SNTG1: variants seen among roughly 807,000 people sequenced by gnomAD.
SNTG1 encodes the protein gamma-1-syntrophin.
SNTG1 carries 39 observed loss-of-function variants against 74.7 expected under a neutral mutation model. That is an observed-to-expected ratio of 0.52 (90% confidence interval 0.40 to 0.68). SNTG1 has a LOEUF of 0.68. SNTG1 is among the 30% of genes least tolerant of loss of function. The probability of loss-of-function intolerance (pLI) is 0.00; values close to 1 mark genes in which losing one functional copy is unlikely to be tolerated. For missense variants in SNTG1, 685 were observed against 609.5 expected, an observed-to-expected ratio of 1.12 and a Z score of -1.30; for synonymous variants, 254 against 217.1, an observed-to-expected ratio of 1.17 and a Z score of -1.49.
At chr8:50,217,060 G>A (rs2084824249) in intron 2 of SNTG1, among the ~76,000 whole-genome samples, 1 of 151,274 alleles carries the variant, frequency 6.6e-6, no homozygotes, top group African/African-American at 2.4e-5. Flanking sequence ...GAAACAAATG[G>A]GCTGACAAAC....
chr8:50,280,534 T>C (rs1461159186), intron 2 of SNTG1, among the ~76,000 whole-genome samples: 1 of 152,176 alleles, frequency 6.6e-6, no homozygotes, highest in Non-Finnish European at 1.5e-5. Context: ...TGGTTTTGTA[T>C]GTTTTAGGGA....
At chr8:50,672,121 G>A (rs915615858) in intron 15 of SNTG1, among the ~76,000 whole-genome samples, 11 of 149,720 alleles carry the variant, frequency 7.3e-5, no homozygotes, top group African/African-American at 2.8e-4. Context: ...GTGCAGCACA[G>A]CAGCATGGCA....
chr8:50,508,186 G>A (rs578137038), intron 9 of SNTG1, among the ~76,000 whole-genome samples: 5 of 152,180 alleles, frequency 3.3e-5, no homozygotes, highest in Non-Finnish European at 5.9e-5. Context: ...TTTTGTCCTT[G>A]CGATAATTTG....
intron 8 of SNTG1, among the ~76,000 whole-genome samples, chr8:50,476,615 A>G (rs1026716671): frequency 1.3e-5 from 2 of 152,126 alleles, no homozygotes; most frequent in Admixed American, 1.3e-4. Context: ...GTTTTGCCTA[A>G]ATTAGATATA....
At chr8:50,748,842 G>T (rs1297627668) in intron 17 of SNTG1, among the ~76,000 whole-genome samples, 2 of 151,954 alleles carry the variant, frequency 1.3e-5, no homozygotes, top group Non-Finnish European at 2.9e-5. Context: ...TGTTCTGACT[G>T]CTCCACTGAC....
At chr8:50,434,808 A>T (rs2093283307) in intron 4 of SNTG1, among the ~76,000 whole-genome samples, 1 of 152,156 alleles carries the variant, frequency 6.6e-6, no homozygotes, top group South Asian at 2.1e-4. Flanking sequence ...AGAACTATTA[A>T]CATTCTCTAT....
intron 18 of SNTG1, among the ~76,000 whole-genome samples, chr8:50,772,798 C>T (rs13262817): frequency 1.3e-5 from 2 of 152,074 alleles, no homozygotes; most frequent in African/African-American, 4.8e-5. Flanking sequence ...TAATTCCCTG[C>T]TGCAAAGGTG....
chr8:50,253,523 T>C (rs990153637), intron 2 of SNTG1, among the ~76,000 whole-genome samples: 1 of 152,212 alleles, frequency 6.6e-6, no homozygotes, highest in African/African-American at 2.4e-5. Flanking sequence ...AAGAGATTTC[T>C]GCTCTCCCAT....
At position 49,957,783 on chromosome 8, in the gene SNTG1, G is replaced by A. The variant is rs562287971; in HGVS notation, c.-103+45552G>A. 2.6e-5 allele frequency among the ~76,000 whole-genome samples: 4 copies of A among 152,136 alleles called. No individual in the cohort carries two copies. The South Asian group carries it at 8.3e-4, about 32-fold the overall frequency. ...CAGATGAAGCAGACTGCACAACATG[G>A]GGAGACCCTATCTCCACACAAATTT... On this transcript the variant is annotated intron_variant, in intron 1 of 18. Transcript: ENST00000642720.
At chr8:50,046,154 T>A (rs203964) in intron 1 of SNTG1, among the ~76,000 whole-genome samples, 9 of 152,172 alleles carry the variant, frequency 5.9e-5, no homozygotes, top group Admixed American at 5.9e-4. Context: ...AATAATATCC[T>A]TCTTTCGACA....
At chr8:50,204,239 T>C (rs907626574) in intron 2 of SNTG1, among the ~76,000 whole-genome samples, 2 of 152,202 alleles carry the variant, frequency 1.3e-5, no homozygotes, top group African/African-American at 4.8e-5. Flanking sequence ...ATTATTTTTC[T>C]ATTTCATAAT....
At chr8:50,755,468 T>G (rs1184559380) in intron 18 of SNTG1, among the ~76,000 whole-genome samples, 4 of 151,866 alleles carry the variant, frequency 2.6e-5, no homozygotes, top group African/African-American at 9.7e-5. Context: ...TAATATCCAA[T>G]TTTCTGAATG....
intron 13 of SNTG1, among the ~76,000 whole-genome samples, chr8:50,603,904 C>T (rs1447350145): frequency 6.6e-6 from 1 of 152,182 alleles, no homozygotes; most frequent in Non-Finnish European, 1.5e-5. Context: ...ATTAGGACTG[C>T]ACTGGGTCAA....
At chr8:50,381,764 A>G (rs1005341398) in intron 2 of SNTG1, 19 of 134,592 alleles carry the variant, frequency 1.4e-4, no homozygotes, top group Middle Eastern at 3.8e-3. Context: ...TATATATCCT[A>G]TTAGTTATAT....
At chr8:50,725,631 G>T (rs1264813765) in intron 17 of SNTG1, among the ~76,000 whole-genome samples, 1 of 152,108 alleles carries the variant, frequency 6.6e-6, no homozygotes, top group African/African-American at 2.4e-5. Context: ...CCGCCCCGTT[G>T]AAAGATTGCC....
chr8:50,007,969 A>G (rs1032068000), intron 1 of SNTG1, among the ~76,000 whole-genome samples: 16 of 152,094 alleles, frequency 1.1e-4, no homozygotes, highest in African/African-American at 3.9e-4. Flanking sequence ...ACACACTTTT[A>G]AAACCATCAG....
chr8:50,305,167 G>A (rs535598936), intron 2 of SNTG1, among the ~76,000 whole-genome samples: 1 of 151,982 alleles, frequency 6.6e-6, no homozygotes, highest in South Asian at 2.1e-4. Flanking sequence ...TTGAGCTCTT[G>A]TATGTTGAAA....
chr8:50,183,337 A>G (rs1313890378), intron 2 of SNTG1, among the ~76,000 whole-genome samples: 1 of 152,038 alleles, frequency 6.6e-6, no homozygotes, highest in Non-Finnish European at 1.5e-5. Flanking sequence ...CCTCTCAGCT[A>G]TTTGTGCATT....
chr8:50,493,963 G>C (rs2093881311), intron 8 of SNTG1, among the ~76,000 whole-genome samples: 1 of 151,716 alleles, frequency 6.6e-6, no homozygotes, highest in African/African-American at 2.4e-5. Context: ...AAATATTAAA[G>C]AGAGCCCTAA....
Sources: gnomAD v4.1 joint callset for allele counts (sites outside exome capture counted in the v4.1 genomes callset) on GRCh38, gnomAD v4.1.1 for gene constraint, MANE v1.5 for transcripts, NCBI Gene and HGNC (gene_info 2026-07-23, HGNC 2026-07-21) for gene names.